The following XPO4 variants were observed in gnomAD, a reference collection of about 807,000 sequenced individuals.
XPO4 encodes exportin 4.
Under a neutral mutation model 143.0 loss-of-function variants are expected in XPO4, and 39 were observed. The ratio of observed to expected loss-of-function variants is 0.27; its 90% CI spans 0.21 to 0.36. XPO4 has a LOEUF of 0.36. XPO4 is among the 10% of genes least tolerant of loss of function. The probability of loss-of-function intolerance (pLI) is 1.00; values close to 1 mark genes in which losing one functional copy is unlikely to be tolerated. For synonymous variants in XPO4, 439 were observed against 474.0 expected (o/e 0.93, Z 0.96); for missense variants, 907 against 1,348.0 (o/e 0.67, Z 5.12).
intron 11 of XPO4, 50 bp from the exon 12 acceptor site, chr13:20,808,631 TG>T (rs749797006): frequency 1.5e-5 from 21 of 1,435,970 alleles, no homozygotes; most frequent in Admixed American, 2.2e-5. Context: ...AGCAAAGACA[TG>T]GAACAACTTA....
At chr13:20,900,070 T>G (rs2060605543) in intron 1 of XPO4, among the ~76,000 whole-genome samples, 1 of 151,438 alleles carries the variant, frequency 6.6e-6, no homozygotes, top group Non-Finnish European at 1.5e-5. Context: ...CATGTTGGAG[T>G]TTCCTTAGCC....
Position 20,794,562 on chromosome 13 carries a change from A to G in XPO4, c.2797+1514T>C, listed in dbSNP as rs1240107744. Among the ~76,000 whole-genome samples, 4 of 152,118 alleles carry G rather than the reference A, an allele frequency of 2.6e-5. No homozygotes were observed. In the East Asian group the frequency reaches 7.7e-4, roughly 29 times the overall value. On this transcript the variant is annotated intron_variant, in intron 18 of 22. Coordinates refer to ENST00000255305, the MANE Select transcript of XPO4 (RefSeq NM_022459.5). ...TCCAGGAGTCCATGAACCAACTAAT[A>G]CTGTATTAGTAAGAGGTTAAGAATG... is the stretch of plus-strand genomic sequence containing the variant.
intron 4 of XPO4, chr13:20,853,194 G>C: frequency 7.9e-6 from 2 of 253,650 alleles, no homozygotes; most frequent in Non-Finnish European, 1.2e-5. Flanking sequence ...TTAGCCAGGA[G>C]TGGTGGCTTG....
At chr13:20,875,541 A>G (rs1167693805) in intron 1 of XPO4, among the ~76,000 whole-genome samples, 1 of 152,052 alleles carries the variant, frequency 6.6e-6, no homozygotes, top group Non-Finnish European at 1.5e-5. Context: ...TTCTTGCAAA[A>G]TATTCCCTCC....
chr13:20,862,927 A>G (rs1224363947), intron 2 of XPO4, 69 bp from the exon 3 acceptor site: 21 of 1,588,238 alleles, frequency 1.3e-5, no homozygotes, highest in Non-Finnish European at 1.8e-5. Context: ...GCATTTATTA[A>G]TTTTAAAACA....
rs1354739679 is a variant in XPO4 at position 20,803,993 on chromosome 13, A to C, written c.1818-3003T>G. Among the ~76,000 whole-genome samples, 1 of 152,188 alleles carries C rather than the reference A, an allele frequency of 6.6e-6. No homozygotes were observed. Among genetic ancestry groups the C allele is most frequent in the Non-Finnish European group, 1.5e-5 (1 of 68,038 alleles). ...AGATATTCTGACATCTGGAGAACAA[A>C]GGCATTCCTAATTTTGCTTTAAAGA... On this transcript the variant is annotated intron_variant, in intron 13 of 22. Transcript: ENST00000255305. The surrounding 1 kb of genome is among the most constrained non-coding windows in gnomAD (Gnocchi z 4.1).
chr13:20,809,592 G>A (rs1262306086), intron 10 of XPO4, among the ~76,000 whole-genome samples, 199 bp downstream of exon 10: 2 of 152,132 alleles, frequency 1.3e-5, no homozygotes, highest in African/African-American at 4.8e-5. Flanking sequence ...AGAAAGAGGT[G>A]GGTAACTGAA....
intron 1 of XPO4, among the ~76,000 whole-genome samples, chr13:20,876,093 C>CAAAAAAAAAAAAAAA (rs11301411): frequency 3.3e-5 from 3 of 90,742 alleles, no homozygotes; most frequent in Non-Finnish European, 4.4e-5. Flanking sequence ...CTACTAAATA[C>CAAAAAAAAAAAAAAA]AAAAAAAAAA....
At chr13:20,887,511 C>T (rs930905289) in intron 1 of XPO4, among the ~76,000 whole-genome samples, 5 of 152,248 alleles carry the variant, frequency 3.3e-5, no homozygotes, top group Admixed American at 2.0e-4. Context: ...TAATAATATA[C>T]ACTGTGACCA....
chr13:20,846,373 G>A (rs2060029255), intron 4 of XPO4, among the ~76,000 whole-genome samples: 1 of 152,254 alleles, frequency 6.6e-6, no homozygotes, highest in Admixed American at 6.5e-5. Context: ...GCAGGGCAAC[G>A]ACAGGTGAAA....
At chr13:20,824,015 T>C (rs2059753443) in intron 7 of XPO4, among the ~76,000 whole-genome samples, 1 of 152,228 alleles carries the variant, frequency 6.6e-6, no homozygotes, top group Admixed American at 6.5e-5. Context: ...TATTTATGTA[T>C]CATCTATGGC....
At chr13:20,879,008 T>A in intron 1 of XPO4, 1 of 758,876 alleles carries the variant, frequency 1.3e-6, no homozygotes, top group Non-Finnish European at 1.6e-6. Flanking sequence ...TTTAAGTGCA[T>A]CACTGAGCTT....
In XPO4 at chr13:20,844,658, A is replaced by G. The variant is rs73437446; in HGVS notation, c.457-772T>C. Among the ~76,000 whole-genome samples the G allele has an allele frequency of 3.4e-3, 515 of 152,280 alleles. 3 individuals carry two copies. Among genetic ancestry groups the G allele is most frequent in the African/African-American group, 0.011 (470 of 41,546 alleles). ...CCAACAGCTGAACACTGTCATACCC[A>G]CCCACCAACTGCAACATCTCTGTTC... On this transcript the variant is annotated intron_variant, in intron 4 of 22. Coordinates refer to ENST00000255305, the MANE Select transcript of XPO4 (RefSeq NM_022459.5).
chr13:20,894,801 G>A (rs541607275), intron 1 of XPO4, among the ~76,000 whole-genome samples: 13 of 150,732 alleles, frequency 8.6e-5, no homozygotes, highest in Non-Finnish European at 1.8e-4. Flanking sequence ...CCGAGATGGC[G>A]CCATTGCACT....
At chr13:20,818,806 G>A (rs1281995014) in intron 9 of XPO4, among the ~76,000 whole-genome samples, 6 of 151,550 alleles carry the variant, frequency 4.0e-5, no homozygotes, top group Admixed American at 3.3e-4. Flanking sequence ...CACTATACAC[G>A]TCCCCCTCCC....
chr13:20,790,669 C>T, intron 18 of XPO4, 89 bp from the exon 19 acceptor site: 1 of 985,748 alleles, frequency 1.0e-6, no homozygotes, highest in Non-Finnish European at 1.6e-6. Flanking sequence ...TAAACTCACC[C>T]CTAGAGGCTA....
At chr13:20,886,031 ACT>A (rs1490172275) in intron 1 of XPO4, among the ~76,000 whole-genome samples, 1 of 152,178 alleles carries the variant, frequency 6.6e-6, no homozygotes, top group Non-Finnish European at 1.5e-5. Context: ...TTAACATGTA[ACT>A]CTCAGTAACT....
intron 16 of XPO4, 31 bp downstream of exon 16, chr13:20,799,134 A>G: frequency 3.3e-6 from 5 of 1,538,072 alleles, no homozygotes; most frequent in Non-Finnish European, 3.5e-6. Flanking sequence ...GTTACACAAA[A>G]GGGTGCAATC....
rs2059101614 is a variant in XPO4 at position 20,777,601 on chromosome 13, G to A, written c.*6121C>T. Reference sequence around the variant, plus strand: ...CAGTTATAAACAGGTGTACAAATAAGAAGTTCTACTACTCAATACATCTTG... The same window carrying A: ...CAGTTATAAACAGGTGTACAAATAAAAAGTTCTACTACTCAATACATCTTG... On this transcript the variant is annotated 3_prime_UTR_variant, in exon 23 of 23. Transcript: ENST00000255305. The A allele has an allele frequency of 6.6e-6, 1 of 152,144 alleles. No homozygotes were observed. Among genetic ancestry groups the A allele is most frequent in the Non-Finnish European group, 1.5e-5 (1 of 68,010 alleles). 9.4% of individuals were successfully genotyped at this position (152,144 alleles called of 1,614,324 possible). A position where few individuals can be genotyped will look rare whatever the true frequency, so the allele number is the denominator to read the frequency against.
Sources: gnomAD v4.1 joint callset for allele counts (sites outside exome capture counted in the v4.1 genomes callset) on GRCh38, gnomAD v4.1.1 for gene constraint, Gnocchi (gnomAD v3.1) non-coding constraint, MANE v1.5 for transcripts, NCBI Gene and HGNC (gene_info 2026-07-23, HGNC 2026-07-21) for gene names.